Variants in ZNF280D observed in about 807,000 individuals in gnomAD.
ZNF280D encodes the protein suppressor of hairy wing homolog 4.
A neutral mutation model predicts 94.7 loss-of-function variants in ZNF280D; 39 were observed. That is an observed-to-expected ratio of 0.41 (90% confidence interval 0.32 to 0.54). ZNF280D has a LOEUF of 0.54. Among genes scored for constraint, ZNF280D ranks in the 20% least tolerant of loss-of-function variants. The pLI is 0.22. For missense variants in ZNF280D, 1,090 were observed against 1,149.3 expected (o/e 0.95, Z 0.75); for synonymous variants, 398 against 377.6 (o/e 1.05, Z -0.63).
At chr15:56,692,678 G>C (rs2056492855) in intron 7 of ZNF280D, among the ~76,000 whole-genome samples, 1 of 151,976 alleles carries the variant, frequency 6.6e-6, no homozygotes, top group African/African-American at 2.4e-5. Context: ...CTATCACGCT[G>C]AAACAATTAG....
At chr15:56,706,098 A>C (rs1415320079) in intron 3 of ZNF280D, among the ~76,000 whole-genome samples, 1 of 131,938 alleles carries the variant, frequency 7.6e-6, no homozygotes, top group Non-Finnish European at 1.6e-5. Flanking sequence ...GGTGGGCCCT[A>C]ATCTAGTATG....
intron 19 of ZNF280D, chr15:56,653,929 A>G (rs1196219977): frequency 7.6e-7 from 1 of 1,311,212 alleles, no homozygotes; most frequent in Non-Finnish European, 9.7e-7. Flanking sequence ...AGAGCTGAAT[A>G]ATGAGAGCTA....
chr15:56,653,222 A>G, intron 19 of ZNF280D: 1 of 1,112,178 alleles, frequency 9.0e-7, no homozygotes, highest in Non-Finnish European at 1.1e-6. Context: ...TGCTAGAGAA[A>G]GATTTAAAGG....
chr15:56,706,691 A>G (rs924798618), intron 3 of ZNF280D, among the ~76,000 whole-genome samples: 15 of 152,100 alleles, frequency 9.9e-5, no homozygotes, highest in Admixed American at 3.3e-4. Flanking sequence ...GCAAACTCAT[A>G]TAGTATACAA....
At chr15:56,709,403 T>A (rs1222232386) in intron 1 of ZNF280D, among the ~76,000 whole-genome samples, 1 of 151,590 alleles carries the variant, frequency 6.6e-6, no homozygotes, top group Non-Finnish European at 1.5e-5. Flanking sequence ...ACTTTTACAC[T>A]GTTGGTGGGA....
chr15:56,630,722 A>G lies in ZNF280D; in HGVS notation c.*776T>C, dbSNP rs2052041141. The G allele has an allele frequency of 6.6e-6, 1 of 152,184 alleles. No homozygotes were observed. Among genetic ancestry groups the G allele is most frequent in the Non-Finnish European group, 1.5e-5 (1 of 68,002 alleles). The allele number at this position is 152,184 out of a possible 1,614,324, so 9.4% of individuals were successfully genotyped here. ...TTTCAACAATGGGTTTCTACTTTAC[A>G]TTAATACAACTAATACATCAAAGAA... On this transcript the variant is annotated 3_prime_UTR_variant, in exon 22 of 22. Coordinates refer to ENST00000267807, the MANE Select transcript of ZNF280D (RefSeq NM_017661.4).
At chr15:56,649,155 G>T (rs1203337845) in intron 19 of ZNF280D, among the ~76,000 whole-genome samples, 1 of 151,992 alleles carries the variant, frequency 6.6e-6, no homozygotes, top group Non-Finnish European at 1.5e-5. Flanking sequence ...TGACAGTCTA[G>T]GACTCTATTT....
In ZNF280D at chr15:56,731,010, A is replaced by G. The variant is rs2058855413; in HGVS notation, c.-86+2448T>C. Among the ~76,000 whole-genome samples the G allele has an allele frequency of 2.6e-5, 4 of 152,248 alleles. No individual in the cohort carries two copies. In the South Asian group the frequency reaches 6.2e-4, roughly 24 times the overall value. ...TATGTGCCTTTGGATGTTGTATGCA[A>G]TGAAGCATACTGCATGGCTTATGAA... is the stretch of plus-strand genomic sequence containing the variant. On this transcript the variant is annotated intron_variant, in intron 1 of 21. Coordinates refer to ENST00000267807, the MANE Select transcript of ZNF280D (RefSeq NM_017661.4).
intron 10 of ZNF280D, among the ~76,000 whole-genome samples, chr15:56,679,853 T>C (rs2055499439): frequency 6.6e-6 from 1 of 152,202 alleles, no homozygotes; most frequent in Admixed American, 6.5e-5. Flanking sequence ...CCTTGAAATA[T>C]CTTTTCCTCC....
chr15:56,662,770 G>A (rs1332425342), intron 16 of ZNF280D, among the ~76,000 whole-genome samples: 1 of 148,470 alleles, frequency 6.7e-6, no homozygotes, highest in African/African-American at 2.5e-5. Context: ...GTTGCAGTGA[G>A]CCAAGATCTT....
chr15:56,700,934 G>C lies in ZNF280D; in HGVS notation c.380C>G (p.Pro127Arg). ...SSVIVQPFSK[P>R]GYITNSSRVV... ...CCGTATAGTTTTAGAAACACTTACA[G>C]GTTTAGAAAAAGGCTGAACAATAAC... Residue 127 changes from proline (P) to arginine (R), a missense_variant and splice_region_variant, in exon 6 of 22, where the codon CCT (proline) becomes CGT (arginine). This residue lies in a region of ZNF280D where 386 missense variants were observed against 372.0 expected (regional missense o/e 1.04). Coordinates refer to ENST00000267807, the MANE Select transcript of ZNF280D (RefSeq NM_017661.4). 6.2e-7 allele frequency: 1 copy of C among 1,613,782 alleles called. No homozygotes were observed. The highest frequency in any genetic ancestry group is 2.2e-5 in the East Asian group (1 of 44,848).
intron 9 of ZNF280D, among the ~76,000 whole-genome samples, chr15:56,685,080 T>G (rs1248530925): frequency 6.6e-6 from 1 of 152,120 alleles, no homozygotes; most frequent in East Asian, 1.9e-4. Flanking sequence ...AAACGGGAGC[T>G]ATACCAACAA....
chr15:56,660,386 A>C (rs150561958), intron 16 of ZNF280D, among the ~76,000 whole-genome samples: 1 of 152,100 alleles, frequency 6.6e-6, no homozygotes, highest in African/African-American at 2.4e-5. Context: ...AACTTATACC[A>C]TATCATAATG....
intron 13 of ZNF280D, among the ~76,000 whole-genome samples, chr15:56,675,686 T>C (rs1198077308): frequency 2.0e-5 from 3 of 151,986 alleles, no homozygotes; most frequent in African/African-American, 7.3e-5. Context: ...ATCTGGAAAT[T>C]CTACTTTCAT....
chr15:56,685,299 T>C (rs2055922501), intron 9 of ZNF280D, among the ~76,000 whole-genome samples: 1 of 151,776 alleles, frequency 6.6e-6, no homozygotes, highest in East Asian at 1.9e-4. Context: ...GTGGATTATA[T>C]TTACTGTAGA....
intron 13 of ZNF280D, among the ~76,000 whole-genome samples, 156 bp downstream of exon 13, chr15:56,676,514 G>A (rs538460014): frequency 3.9e-5 from 6 of 152,188 alleles, no homozygotes; most frequent in Non-Finnish European, 8.8e-5. Flanking sequence ...AAAAGAAGTG[G>A]AATTTTCACA....
At chr15:56,715,915 T>C (rs1332295612) in intron 1 of ZNF280D, among the ~76,000 whole-genome samples, 1 of 152,018 alleles carries the variant, frequency 6.6e-6, no homozygotes, top group Non-Finnish European at 1.5e-5. Flanking sequence ...AAAAGAATGA[T>C]AAAAAATGCA....
At chr15:56,717,932 G>T (rs751896896) in intron 1 of ZNF280D, among the ~76,000 whole-genome samples, 1 of 152,026 alleles carries the variant, frequency 6.6e-6, no homozygotes, top group Non-Finnish European at 1.5e-5. Flanking sequence ...CAAAAACGAA[G>T]ATGAACTCTA....
intron 17 of ZNF280D, among the ~76,000 whole-genome samples, chr15:56,655,788 A>T (rs2053515824): frequency 6.6e-6 from 1 of 152,250 alleles, no homozygotes. Flanking sequence ...CAGATAACTT[A>T]GCCACTATAT....
Sources: allele counts gnomAD v4.1 joint callset (sites outside exome capture counted in the v4.1 genomes callset), GRCh38; gene constraint gnomAD v4.1.1; regional missense constraint gnomAD v4.1.1; transcripts MANE v1.5; gene names NCBI Gene and HGNC (gene_info 2026-07-23, HGNC 2026-07-21).